NKTR: variants seen among roughly 807,000 people sequenced by gnomAD.
The protein encoded by NKTR is natural killer cell triggering receptor.
In NKTR, 67 loss-of-function variants were observed where a neutral mutation model predicts 156.3. That is an observed-to-expected ratio of 0.43 (90% confidence interval 0.35 to 0.53). The LOEUF (loss-of-function observed/expected upper bound fraction) is 0.53. NKTR is among the 20% of genes least tolerant of loss of function. The pLI is 0.01. For synonymous variants in NKTR, 640 were observed against 596.6 expected (o/e 1.07, Z -1.06); for missense variants, 1,604 against 1,730.9 (o/e 0.93, Z 1.30).
At chr3:42,626,606 C>T (rs1708412799) in intron 6 of NKTR, among the ~76,000 whole-genome samples, 1 of 152,088 alleles carries the variant, frequency 6.6e-6, no homozygotes, top group Non-Finnish European at 1.5e-5. Context: ...TATCACTGAA[C>T]AGTAACTAGG....
intron 7 of NKTR, 28 bp from the exon 8 acceptor site, chr3:42,631,143 G>A: frequency 6.2e-7 from 1 of 1,611,488 alleles, no homozygotes; most frequent in Non-Finnish European, 8.5e-7. Flanking sequence ...TATCAAACCA[G>A]TTGTTTCTTG....
At position 42,600,970 on chromosome 3, in the gene NKTR, C is replaced by T; in HGVS notation, c.-23-14C>T. Reference sequence around the variant, plus strand: ...CGCCCCTGCCCTGACCGCTTTTCTCCCCCTCTCTCCCAGCTCTTGCCGCCA... The same window carrying T: ...CGCCCCTGCCCTGACCGCTTTTCTCTCCCTCTCTCCCAGCTCTTGCCGCCA... On this transcript the variant is annotated splice_polypyrimidine_tract_variant and intron_variant, in intron 1 of 16. Coordinates refer to ENST00000232978, the MANE Select transcript of NKTR (RefSeq NM_005385.4). 6.6e-7 allele frequency: 1 copy of T among 1,507,570 alleles called. No homozygotes were observed. The highest frequency in any genetic ancestry group is 8.9e-7 in the Non-Finnish European group (1 of 1,123,554). 93.4% of individuals were successfully genotyped at this position (1,507,570 alleles called of 1,614,324 possible). A position where few individuals can be genotyped will look rare whatever the true frequency, so the allele number is the denominator to read the frequency against.
Position 42,638,181 on chromosome 3 carries a change from A to G in NKTR, c.2477A>G (p.Glu826Gly). ...VQATQSAQEK[E>G]KQGQMERTHN... Reference sequence around the variant, plus strand: ...GCCACACAGTCAGCCCAGGAAAAAGAGAAGCAGGGCCAAATGGAAAGAACA... The same window carrying G: ...GCCACACAGTCAGCCCAGGAAAAAGGGAAGCAGGGCCAAATGGAAAGAACA... The change falls in exon 13 of 17, where the codon GAG becomes GGG. Residue 826 changes from glutamate to glycine, a missense_variant. This residue lies in a region of NKTR where 1,255 missense variants were observed against 1,243.7 expected (regional missense o/e 1.01). Coordinates refer to ENST00000232978, the MANE Select transcript of NKTR (RefSeq NM_005385.4). 1.9e-6 allele frequency: 3 copies of G among 1,612,444 alleles called. No individual in the cohort carries two copies. Among genetic ancestry groups the G allele is most frequent in the South Asian group, 1.1e-5 (1 of 90,672 alleles).
intron 2 of NKTR, among the ~76,000 whole-genome samples, chr3:42,605,522 C>T (rs754999891): frequency 7.9e-5 from 12 of 152,200 alleles, no homozygotes; most frequent in Non-Finnish European, 1.8e-4. Flanking sequence ...CGTTTAACAA[C>T]CTCTTTGTGA....
At chr3:42,600,921 CG>C (rs1705340184) in intron 1 of NKTR, 62 bp from the exon 2 acceptor site, 1 of 1,044,892 alleles carries the variant, frequency 9.6e-7, no homozygotes, top group African/African-American at 1.7e-5. Flanking sequence ...GCCCCGCCCT[CG>C]CCCCTGCCCT....
chr3:42,642,402 T>G (rs781113052), intron 13 of NKTR, 99 bp from the exon 14 acceptor site: 295 of 850,320 alleles, frequency 3.5e-4, no homozygotes, highest in Non-Finnish European at 5.4e-4. Context: ...GAGGCCTTTC[T>G]TCTTGTTGTG....
At chr3:42,616,007 GT>G (rs550946988) in intron 2 of NKTR, among the ~76,000 whole-genome samples, 1 of 152,036 alleles carries the variant, frequency 6.6e-6, no homozygotes, top group South Asian at 2.1e-4. Context: ...TTGCTTTATA[GT>G]TTGGCTCTTT....
At chr3:42,633,932 T>A (rs1216629854) in intron 10 of NKTR, among the ~76,000 whole-genome samples, 197 bp downstream of exon 10, 1 of 152,186 alleles carries the variant, frequency 6.6e-6, no homozygotes, top group Non-Finnish European at 1.5e-5. Context: ...GTACCCTACC[T>A]TTCAGAATTC....
At position 42,627,239 on chromosome 3, in the gene NKTR, T is replaced by TTACTCTAAGGCTCTC; in HGVS notation, c.375-3305_375-3291dup. On this transcript the variant is annotated intron_variant, in intron 6 of 16. Coordinates refer to ENST00000232978, the MANE Select transcript of NKTR (RefSeq NM_005385.4). Reference sequence around the variant, plus strand: ...CGTGCGCTCCAAAGGTAATGTCTCATTACTCTAAGGCTCTCTCTCTCTTTG... The same window carrying TTACTCTAAGGCTCTC: ...CGTGCGCTCCAAAGGTAATGTCTCATTACTCTAAGGCTCTCTACTCTAAGGCTCTCTCTCTCTTTG... 4.1e-6 allele frequency: 4 copies of TTACTCTAAGGCTCTC among 985,586 alleles called. No individual in the cohort carries two copies. The South Asian group carries it at 1.9e-4, about 46-fold the overall frequency. 61.1% of individuals were successfully genotyped at this position (985,586 alleles called of 1,614,324 possible).
chr3:42,621,560 A>G (rs748981308), intron 6 of NKTR, 44 bp downstream of exon 6: 2 of 1,583,128 alleles, frequency 1.3e-6, no homozygotes, highest in South Asian at 2.4e-5. Context: ...TAAACAGAGA[A>G]GCGCTGTTCA....
chr3:42,637,758 G>C lies in NKTR; in HGVS notation c.2054G>C (p.Ser685Thr), dbSNP rs754217755. The C allele has an allele frequency of 3.1e-6, 5 of 1,613,730 alleles. No individual in the cohort carries two copies. The East Asian group carries it at 8.9e-5, about 29-fold the overall frequency. The change falls in exon 13 of 17, where the codon AGT becomes ACT. Residue 685 changes from serine to threonine, a missense_variant. Ser to Thr is a moderately conservative substitution (Grantham distance 58). Coordinates refer to ENST00000232978, the MANE Select transcript of NKTR (RefSeq NM_005385.4). ...QSTYSKYSDR[S>T]SESSPRSRSR... Reference sequence around the variant, plus strand: ...ACTTATTCAAAATACAGTGATAGAAGTTCAGAAAGCTCACCAAGGTCAAGG... The same window carrying C: ...ACTTATTCAAAATACAGTGATAGAACTTCAGAAAGCTCACCAAGGTCAAGG...
rs1708076203 is a variant in NKTR, at chr3:42,623,254, TA to T, written c.374+1739del. Among the ~76,000 whole-genome samples, 3 of 152,076 alleles carry T rather than the reference TA, an allele frequency of 2.0e-5. No individual in the cohort carries two copies. In the South Asian group the frequency reaches 6.2e-4, roughly 31 times the overall value. The stretch of plus-strand genomic sequence containing the variant: ...AAATTTTGAATCAATAAATTACAAT[TA>T]TAATTTTTATACTTATTTTCAAAGT... On this transcript the variant is annotated intron_variant, in intron 6 of 16. Transcript: ENST00000232978.
At chr3:42,602,657 T>C (rs1187150995) in intron 2 of NKTR, 2 of 151,520 alleles carry the variant, frequency 1.3e-5, no homozygotes, top group Non-Finnish European at 2.9e-5. Context: ...AAATAAGTGT[T>C]ACTAGAAAGC....
Position 42,638,772 on chromosome 3 carries a change from G to C in NKTR, c.3068G>C (p.Gly1023Ala), listed in dbSNP as rs1342474005. ...CACTGGCAGCCTCCACTAGAATTTG[G>C]TGAAGAGGAGGAGGAGGAGATTGAT... ...AFHWQPPLEF[G>A]EEEEEEIDDK... The change falls in exon 13 of 17, where the codon GGT (glycine) becomes GCT (alanine). Residue 1023 changes from glycine (G) to alanine (A), a missense_variant. Coordinates refer to ENST00000232978, the MANE Select transcript of NKTR (RefSeq NM_005385.4). The C allele has an allele frequency of 1.9e-6, 3 of 1,613,974 alleles. No individual in the cohort carries two copies. Among genetic ancestry groups the C allele is most frequent in the South Asian group, 1.1e-5 (1 of 91,030 alleles).
intron 6 of NKTR, chr3:42,628,415 A>G: frequency 1.0e-6 from 1 of 985,142 alleles, no homozygotes; most frequent in Non-Finnish European, 1.2e-6. Flanking sequence ...CTCAAGTAGT[A>G]TGTTGCTGCA....
At chr3:42,640,056 A>G (rs1709751029) in intron 13 of NKTR, among the ~76,000 whole-genome samples, 1 of 152,226 alleles carries the variant, frequency 6.6e-6, no homozygotes, top group Admixed American at 6.5e-5. Context: ...TTGCCAGTCA[A>G]GTGATGCCTT....
At chr3:42,617,746 G>T in intron 3 of NKTR, 102 bp downstream of exon 3, 9 of 555,224 alleles carry the variant, frequency 1.6e-5, no homozygotes, top group East Asian at 3.2e-5. Context: ...CGTGAAATTA[G>T]TTTTGTGAAT....
At chr3:42,600,844 C>T in intron 1 of NKTR, 66 bp downstream of exon 1, 1 of 461,234 alleles carries the variant, frequency 2.2e-6, no homozygotes, top group South Asian at 4.6e-5. Context: ...GGGAGGGGGC[C>T]TCGTCTTGGC....
At chr3:42,627,034 A>G (rs1190180985) in intron 6 of NKTR, 4 of 352,568 alleles carry the variant, frequency 1.1e-5, no homozygotes, top group African/African-American at 4.4e-5. Context: ...TAAATATCCC[A>G]TATGAAAGAA....
Sources: gnomAD v4.1 joint callset for allele counts (sites outside exome capture counted in the v4.1 genomes callset) on GRCh38, gnomAD v4.1.1 for gene constraint, gnomAD v4.1.1 regional missense constraint, MANE v1.5 for transcripts, NCBI Gene and HGNC (gene_info 2026-07-23, HGNC 2026-07-21) for gene names.